The following PRPF6 variants were observed in gnomAD, a reference collection of about 807,000 sequenced individuals.
PRPF6 encodes pre-mRNA processing factor 6, also known as pre-mRNA-processing factor 6.
Under a neutral mutation model 118.3 loss-of-function variants are expected in PRPF6, and 42 were observed. The observed-to-expected ratio is 0.35, with a 90% CI of 0.28 to 0.46. The LOEUF is 0.46. Ranked by LOEUF, PRPF6 falls within the 20% of genes least tolerant of loss-of-function variation. The pLI, the probability that PRPF6 is intolerant of heterozygous loss-of-function variation, is 1.00. For synonymous variants in PRPF6, 481 were observed against 485.1 expected, an observed-to-expected ratio of 0.99 and a Z score of 0.11; for missense variants, 662 against 1,255.7, an observed-to-expected ratio of 0.53 and a Z score of 7.15.
chr20:64,013,934 T>C (rs1263615429), intron 11 of PRPF6, among the ~76,000 whole-genome samples: 1 of 151,992 alleles, frequency 6.6e-6, no homozygotes, highest in African/African-American at 2.4e-5. Context: ...CCTTTTGTTT[T>C]TGTTTTTGTT....
chr20:64,003,008 G>A (rs1485889294), intron 9 of PRPF6, among the ~76,000 whole-genome samples: 1 of 150,448 alleles, frequency 6.6e-6, no homozygotes, highest in Non-Finnish European at 1.5e-5. Flanking sequence ...GCAGTGGCAC[G>A]ATCTTGGCTC....
intron 3 of PRPF6, 67 bp downstream of exon 3, chr20:63,985,092 A>G (rs578139541): frequency 3.1e-6 from 4 of 1,284,668 alleles, no homozygotes; most frequent in African/African-American, 1.5e-5. Context: ...GGCCAGGCGC[A>G]GTGGCTCACG....
At position 63,981,200 on chromosome 20, in the gene PRPF6, C is replaced by T. The variant is rs2059064551; in HGVS notation, c.-46C>T. ...AGAGTCTCTGCGTCTTTCCCTCTTC[C>T]GCTGCCTCATTCCTTTCCTTCCTAG... On this transcript the variant is annotated 5_prime_UTR_variant, in exon 1 of 21. Coordinates refer to ENST00000266079, the MANE Select transcript of PRPF6 (RefSeq NM_012469.4). 3 of 1,561,646 alleles carry T rather than the reference C, an allele frequency of 1.9e-6. No homozygotes were observed. Among genetic ancestry groups the T allele is most frequent in the Non-Finnish European group, 2.6e-6 (3 of 1,147,856 alleles).
At chr20:64,002,842 C>T (rs1366311846) in intron 9 of PRPF6, among the ~76,000 whole-genome samples, 1 of 151,636 alleles carries the variant, frequency 6.6e-6, no homozygotes, top group Non-Finnish European at 1.5e-5. Flanking sequence ...CGGGGTTTCA[C>T]TGTGTTGACC....
chr20:64,019,807 G>A (rs763761720), intron 12 of PRPF6, among the ~76,000 whole-genome samples: 1 of 152,228 alleles, frequency 6.6e-6, no homozygotes, highest in Non-Finnish European at 1.5e-5. Flanking sequence ...GAGTCAGACT[G>A]AAGCCATGTG....
At position 64,004,291 on chromosome 20, in the gene PRPF6, T is replaced by C. The variant is rs190611203; in HGVS notation, c.1186+3052T>C. 2.0e-5 allele frequency among the ~76,000 whole-genome samples: 3 copies of C among 152,226 alleles called. No homozygotes were observed. The East Asian group carries it at 5.8e-4, about 29-fold the overall frequency. ...CTCAGGCAGAGAAGCTGGGCTAAGG[T>C]GGAATGAACCCAGGATCTCCAGGAT... is the stretch of plus-strand genomic sequence containing the variant. On this transcript the variant is annotated intron_variant, in intron 9 of 20. Transcript: ENST00000266079.
intron 5 of PRPF6, 35 bp downstream of exon 5, chr20:63,995,127 T>G: frequency 6.2e-7 from 1 of 1,613,448 alleles, no homozygotes; most frequent in South Asian, 1.1e-5. Flanking sequence ...GTGGCCCATT[T>G]AGTCCTGTTA....
intron 9 of PRPF6, among the ~76,000 whole-genome samples, chr20:64,003,337 A>G (rs1267773326): frequency 6.6e-6 from 1 of 152,250 alleles, no homozygotes; most frequent in African/African-American, 2.4e-5. Flanking sequence ...TGTTTTTCCA[A>G]ATGTCTTTAA....
At chr20:63,998,803 CT>C (rs1280360904) in intron 6 of PRPF6, among the ~76,000 whole-genome samples, 3 of 150,694 alleles carry the variant, frequency 2.0e-5, no homozygotes, top group African/African-American at 7.3e-5. Flanking sequence ...GATTGCACAA[CT>C]GCACTCCAGC....
chr20:64,011,188 A>G lies in PRPF6; in HGVS notation c.1306-97A>G. ...GATGGTTCTCGAGAGCTAAGAAAGAACGTGGTGGCCAACGCTGGAGGGTGG... is the reference window on the plus strand; with the variant it reads ...GATGGTTCTCGAGAGCTAAGAAAGAGCGTGGTGGCCAACGCTGGAGGGTGG... On this transcript the variant is annotated intron_variant, in intron 10 of 20. Coordinates refer to ENST00000266079, the MANE Select transcript of PRPF6 (RefSeq NM_012469.4). The surrounding 1 kb of genome is among the most constrained non-coding windows in gnomAD (Gnocchi z 6.7). The G allele has an allele frequency of 3.7e-6, 4 of 1,078,056 alleles. No individual in the cohort carries two copies. The highest frequency in any genetic ancestry group is 4.2e-6 in the Non-Finnish European group (3 of 715,762). 66.8% of individuals were successfully genotyped at this position (1,078,056 alleles called of 1,614,324 possible). A position where few individuals can be genotyped will look rare whatever the true frequency, so the allele number is the denominator to read the frequency against.
chr20:63,984,304 C>T (rs374510327), intron 2 of PRPF6, among the ~76,000 whole-genome samples: 1 of 151,960 alleles, frequency 6.6e-6, no homozygotes, highest in Non-Finnish European at 1.5e-5. Flanking sequence ...GCCTGTAGTC[C>T]CAGCTACTCG....
intron 1 of PRPF6, 47 bp downstream of exon 1, chr20:63,981,363 G>A (rs2059065841): frequency 5.2e-6 from 8 of 1,529,788 alleles, no homozygotes; most frequent in African/African-American, 4.1e-5. Flanking sequence ...GGCTACAGGA[G>A]CGCAGTGCTT....
chr20:63,991,715 A>G (rs2059119516), intron 3 of PRPF6, among the ~76,000 whole-genome samples: 1 of 152,070 alleles, frequency 6.6e-6, no homozygotes, highest in African/African-American at 2.4e-5. Flanking sequence ...ACTTAAACCC[A>G]GGAGGCGGAG....
chr20:64,003,626 C>G (rs577856284), intron 9 of PRPF6, among the ~76,000 whole-genome samples: 1 of 151,958 alleles, frequency 6.6e-6, no homozygotes, highest in Admixed American at 6.6e-5. Flanking sequence ...GACAGAGTCT[C>G]GCTCTGTCGC....
chr20:64,003,601 A>AT (rs1285157166), intron 9 of PRPF6, among the ~76,000 whole-genome samples: 7 of 150,154 alleles, frequency 4.7e-5, no homozygotes, highest in African/African-American at 9.8e-5. Flanking sequence ...AGCCTCTTTT[A>AT]TTTTTTTTTA....
intron 3 of PRPF6, among the ~76,000 whole-genome samples, chr20:63,986,435 A>G (rs1037713052): frequency 2.0e-5 from 3 of 151,906 alleles, no homozygotes; most frequent in Non-Finnish European, 2.9e-5. Flanking sequence ...ACATATGCAA[A>G]TTAATCAGTG....
At chr20:64,015,126 T>C (rs2059231325) in intron 11 of PRPF6, among the ~76,000 whole-genome samples, 1 of 152,240 alleles carries the variant, frequency 6.6e-6, no homozygotes, top group South Asian at 2.1e-4. Context: ...TCTGGATATA[T>C]TGTCACTTAT....
At chr20:64,020,727 CTT>C (rs1569222862) in intron 12 of PRPF6, among the ~76,000 whole-genome samples, 5 of 150,526 alleles carry the variant, frequency 3.3e-5, no homozygotes, top group Non-Finnish European at 7.4e-5. Flanking sequence ...ATTCACTTGT[CTT>C]TTACAGGTTT....
intron 1 of PRPF6, among the ~76,000 whole-genome samples, chr20:63,982,335 C>G (rs1269947283): frequency 6.6e-6 from 1 of 152,118 alleles, no homozygotes; most frequent in African/African-American, 2.4e-5. Flanking sequence ...CCACGCCCGG[C>G]TAATTTTTGT....
Sources: allele counts gnomAD v4.1 joint callset (sites outside exome capture counted in the v4.1 genomes callset), GRCh38; gene constraint gnomAD v4.1.1; non-coding constraint Gnocchi (gnomAD v3.1); transcripts MANE v1.5; gene names NCBI Gene and HGNC (gene_info 2026-07-23, HGNC 2026-07-21).